FARS2: variants seen among roughly 807,000 people sequenced by gnomAD.
FARS2 encodes phenylalanyl-tRNA synthetase 2, mitochondrial.
Under a neutral mutation model 46.4 loss-of-function variants are expected in FARS2, and 40 were observed. The observed-to-expected ratio is 0.86, with a 90% CI of 0.67 to 1.12. FARS2 has a LOEUF of 1.12. FARS2 is among the 50% of genes most tolerant of loss of function. The probability of loss-of-function intolerance (pLI) is 0.00; values close to 1 mark genes in which losing one functional copy is unlikely to be tolerated. For missense variants in FARS2, 513 were observed against 567.9 expected (o/e 0.90, Z 0.98); for synonymous variants, 234 against 214.9 (o/e 1.09, Z -0.78).
At chr6:5,414,268 A>T (rs1294479846) in intron 3 of FARS2, among the ~76,000 whole-genome samples, 2 of 152,232 alleles carry the variant, frequency 1.3e-5, no homozygotes, top group African/African-American at 4.8e-5. Flanking sequence ...TTGAATTATA[A>T]TGGGCTTCCA....
chr6:5,434,840 A>G (rs74643168), intron 4 of FARS2, among the ~76,000 whole-genome samples: 2,357 of 152,216 alleles, frequency 0.015, 68 homozygotes, highest in African/African-American at 0.054. Flanking sequence ...CTTCCAAGAA[A>G]CAATATAATT....
intron 6 of FARS2, among the ~76,000 whole-genome samples, chr6:5,749,814 A>G (rs1761843627): frequency 6.6e-6 from 1 of 152,232 alleles, no homozygotes; most frequent in Non-Finnish European, 1.5e-5. Context: ...TAGGGAAGGC[A>G]TGCATGTTGC....
chr6:5,573,824 G>A (rs1038133964), intron 5 of FARS2, among the ~76,000 whole-genome samples: 1 of 152,102 alleles, frequency 6.6e-6, no homozygotes, highest in African/African-American at 2.4e-5. Flanking sequence ...TACATTCAGG[G>A]CCCAGCACTG....
At position 5,415,305 on chromosome 6, in the gene FARS2, CT is replaced by C. The variant is rs1242162979; in HGVS notation, c.772+10608del. ...ATGATTTTAATTTGTATTTTCTTTT[CT>C]TTTCTTTTTTTTTTTTTTTTTTTTT... On this transcript the variant is annotated intron_variant, in intron 3 of 6. Transcript: ENST00000274680. Among the ~76,000 whole-genome samples the C allele has an allele frequency of 8.3e-3, 757 of 91,596 alleles. 10 individuals are homozygous for C. Among genetic ancestry groups the C allele is most frequent in the Middle Eastern group, 0.062 (8 of 128 alleles). 60.1% of individuals were successfully genotyped at this position (91,596 alleles called of 152,430 possible).
At chr6:5,743,604 T>C (rs1226282301) in intron 6 of FARS2, among the ~76,000 whole-genome samples, 1 of 152,376 alleles carries the variant, frequency 6.6e-6, no homozygotes, top group East Asian at 1.9e-4. Flanking sequence ...AACAAAACCA[T>C]GTTCCTTCGA....
intron 2 of FARS2, among the ~76,000 whole-genome samples, chr6:5,382,461 A>G (rs1341063169): frequency 6.6e-6 from 1 of 152,242 alleles, no homozygotes; most frequent in Non-Finnish European, 1.5e-5. Context: ...ATTTTTATTT[A>G]AACTTTAGTG....
intron 6 of FARS2, among the ~76,000 whole-genome samples, chr6:5,639,114 A>G (rs1319339588): frequency 6.6e-6 from 1 of 152,258 alleles, no homozygotes; most frequent in Non-Finnish European, 1.5e-5. Context: ...TCTCATCTGG[A>G]CAAGTTACTT....
intron 2 of FARS2, among the ~76,000 whole-genome samples, chr6:5,383,936 A>C (rs1759956271): frequency 6.6e-6 from 1 of 152,174 alleles, no homozygotes; most frequent in Admixed American, 6.5e-5. Flanking sequence ...CACCTGGAGA[A>C]GAAAATGCAA....
At chr6:5,340,076 G>A (rs1036879598) in intron 1 of FARS2, among the ~76,000 whole-genome samples, 1 of 152,196 alleles carries the variant, frequency 6.6e-6, no homozygotes, top group Admixed American at 6.5e-5. Context: ...GATATTAATA[G>A]CAACCAAATA....
chr6:5,428,801 C>T (rs9328299), intron 3 of FARS2, among the ~76,000 whole-genome samples: 57,767 of 151,956 alleles, frequency 0.38, 11,613 homozygotes, highest in Non-Finnish European at 0.44. Flanking sequence ...ACAGAAAAGT[C>T]GACTACTCAG....
intron 2 of FARS2, among the ~76,000 whole-genome samples, chr6:5,398,124 A>C (rs1761018411): frequency 6.6e-6 from 1 of 152,098 alleles, no homozygotes; most frequent in African/African-American, 2.4e-5. Flanking sequence ...TTTGTAGTTA[A>C]TAGTGTTTGC....
intron 4 of FARS2, among the ~76,000 whole-genome samples, chr6:5,474,230 G>A (rs922115920): frequency 1.3e-5 from 2 of 152,150 alleles, no homozygotes; most frequent in African/African-American, 2.4e-5. Flanking sequence ...CAGCCAGCAC[G>A]GTTTGTTCAT....
At chr6:5,586,543 C>T (rs531786064) in intron 5 of FARS2, among the ~76,000 whole-genome samples, 2 of 152,276 alleles carry the variant, frequency 1.3e-5, no homozygotes, top group African/African-American at 4.8e-5. Context: ...AGAAATTCCA[C>T]TTGATCATGG....
chr6:5,601,505 C>T (rs1170420691), intron 5 of FARS2, among the ~76,000 whole-genome samples: 2 of 119,742 alleles, frequency 1.7e-5, no homozygotes, highest in Non-Finnish European at 3.2e-5. Context: ...GCCTGGGCAA[C>T]GAGAGTGAAA....
intron 5 of FARS2, among the ~76,000 whole-genome samples, chr6:5,582,617 C>T (rs534873231): frequency 6.6e-6 from 1 of 152,276 alleles, no homozygotes; most frequent in East Asian, 1.9e-4. Flanking sequence ...TCATGTAGTT[C>T]ATGCTGACAA....
Position 5,743,049 on chromosome 6 carries a change from A to G in FARS2, c.1218-28242A>G, listed in dbSNP as rs187411965. On this transcript the variant is annotated intron_variant, in intron 6 of 6. Coordinates refer to ENST00000274680, the MANE Select transcript of FARS2 (RefSeq NM_006567.5). ...GGCTCACAGGGCAGGGGCAGGATATATGGGCCCCAAAAATCAATGGCATTA... is the reference window on the plus strand; with the variant it reads ...GGCTCACAGGGCAGGGGCAGGATATGTGGGCCCCAAAAATCAATGGCATTA... 4.6e-5 allele frequency among the ~76,000 whole-genome samples: 7 copies of G among 152,140 alleles called. No homozygotes were observed. In the East Asian group the frequency reaches 1.2e-3, roughly 25 times the overall value.
chr6:5,768,724 T>C (rs1233416809), intron 6 of FARS2, among the ~76,000 whole-genome samples: 1 of 152,238 alleles, frequency 6.6e-6, no homozygotes, highest in East Asian at 1.9e-4. Flanking sequence ...ATTTCCCTGA[T>C]GGCTGAAGTT....
chr6:5,409,170 G>T (rs1228178703), intron 3 of FARS2, among the ~76,000 whole-genome samples: 1 of 152,126 alleles, frequency 6.6e-6, no homozygotes, highest in Non-Finnish European at 1.5e-5. Flanking sequence ...TTAAATTTGG[G>T]CCAGGCGCGG....
At chr6:5,658,911 T>C (rs763197672) in intron 6 of FARS2, among the ~76,000 whole-genome samples, 85 of 152,256 alleles carry the variant, frequency 5.6e-4, no homozygotes, top group Non-Finnish European at 1.1e-3. Context: ...TATATTTTAT[T>C]TGAATTACTG....
Sources: gnomAD v4.1 joint callset for allele counts (sites outside exome capture counted in the v4.1 genomes callset) on GRCh38, gnomAD v4.1.1 for gene constraint, MANE v1.5 for transcripts, NCBI Gene and HGNC (gene_info 2026-07-23, HGNC 2026-07-21) for gene names.